The following TBL1X variants were observed in gnomAD, a reference collection of about 807,000 sequenced individuals.
The protein encoded by TBL1X is F-box-like/WD repeat-containing protein TBL1X.
Under a neutral mutation model 50.7 loss-of-function variants are expected in TBL1X, and 10 were observed. The ratio of observed to expected loss-of-function variants is 0.20; its 90% CI spans 0.12 to 0.33. The LOEUF (loss-of-function observed/expected upper bound fraction) is 0.33. Ranked by LOEUF, TBL1X falls within the 10% of genes least tolerant of loss-of-function variation. The pLI is 1.00. For synonymous variants in TBL1X, 190 were observed against 214.7 expected, an observed-to-expected ratio of 0.88 and a Z score of 1.01; for missense variants, 340 against 504.4, an observed-to-expected ratio of 0.67 and a Z score of 3.12.
chrX:9,640,013 A>G (rs2082767149), intron 2 of TBL1X: 1 of 112,306 alleles, frequency 8.9e-6, no homozygotes, highest in Non-Finnish European at 1.9e-5. Flanking sequence ...CATTAATTTT[A>G]TCTATTTTGA....
chrX:9,644,071 T>A (rs1315703079), intron 3 of TBL1X, among the ~76,000 whole-genome samples: 2 of 112,193 alleles, frequency 1.8e-5, no homozygotes, highest in Non-Finnish European at 3.8e-5. Flanking sequence ...ATTAAATTCT[T>A]CATATGTCAG....
intron 2 of TBL1X, among the ~76,000 whole-genome samples, chrX:9,503,278 C>G (rs1404472134): frequency 8.9e-6 from 1 of 112,641 alleles, no homozygotes; most frequent in Non-Finnish European, 1.9e-5. Flanking sequence ...GGGGAAACTG[C>G]TTTTCCACAG....
chrX:9,526,130 A>G (rs1311510345), intron 2 of TBL1X, among the ~76,000 whole-genome samples: 1 of 95,220 alleles, frequency 1.1e-5, no homozygotes, highest in Non-Finnish European at 2.1e-5. Context: ...TGTGTGTGAG[A>G]GAGAGGAGAG....
chrX:9,700,259 A>G (rs1007451310), intron 12 of TBL1X, among the ~76,000 whole-genome samples: 4 of 112,619 alleles, frequency 3.6e-5, no homozygotes, highest in Non-Finnish European at 7.5e-5. Flanking sequence ...GGGGTGAGGC[A>G]GGGATGTCTA....
chrX:9,569,589 C>T (rs1454399846), intron 2 of TBL1X, among the ~76,000 whole-genome samples: 1 of 111,812 alleles, frequency 8.9e-6, no homozygotes, highest in East Asian at 2.8e-4. Context: ...TCATTTGAGC[C>T]CAGGAGTTGG....
chrX:9,492,875 G>A (rs1569206095), intron 1 of TBL1X, among the ~76,000 whole-genome samples: 3 of 49,645 alleles, frequency 6.0e-5, no homozygotes, highest in African/African-American at 1.6e-4. Flanking sequence ...GTGTGTGTGT[G>A]TGTGTGTGTG....
intron 2 of TBL1X, among the ~76,000 whole-genome samples, chrX:9,505,969 A>T (rs779926423): frequency 1.8e-5 from 2 of 112,030 alleles, no homozygotes; most frequent in Admixed American, 9.5e-5. Context: ...AGTCTACAGA[A>T]CTCTCTACCC....
At chrX:9,569,965 G>A (rs1382614197) in intron 2 of TBL1X, among the ~76,000 whole-genome samples, 6 of 112,285 alleles carry the variant, frequency 5.3e-5, no homozygotes, top group Non-Finnish European at 9.4e-5. Context: ...TTTGGCAGGC[G>A]TGGGGCGCAG....
At chrX:9,469,647 T>G (rs2081800212) in intron 1 of TBL1X, among the ~76,000 whole-genome samples, 1 of 112,550 alleles carries the variant, frequency 8.9e-6, no homozygotes, top group African/African-American at 3.2e-5. Context: ...AGTTTGTCTC[T>G]TTGGGTGCAT....
intron 5 of TBL1X, among the ~76,000 whole-genome samples, chrX:9,674,500 G>A (rs1354708843): frequency 4.5e-5 from 5 of 111,531 alleles, no homozygotes; most frequent in Non-Finnish European, 9.4e-5. Flanking sequence ...GGGCTCAAGC[G>A]ATTCACCCAC....
intron 5 of TBL1X, among the ~76,000 whole-genome samples, chrX:9,660,044 A>G (rs184978696): frequency 8.1e-4 from 91 of 112,596 alleles, no homozygotes; most frequent in East Asian, 1.4e-3. Flanking sequence ...AGAAAACTCT[A>G]TACAGCCTCA....
intron 13 of TBL1X, among the ~76,000 whole-genome samples, chrX:9,706,125 C>G (rs997518946): frequency 8.9e-6 from 1 of 111,973 alleles, no homozygotes; most frequent in African/African-American, 3.2e-5. Flanking sequence ...GAGGCCCCAC[C>G]TCTGCATCAG....
At chrX:9,630,907 C>G (rs1489299909) in intron 2 of TBL1X, among the ~76,000 whole-genome samples, 1 of 112,084 alleles carries the variant, frequency 8.9e-6, no homozygotes, top group Admixed American at 9.5e-5. Flanking sequence ...AGATGCAGAA[C>G]TTGTGGATAC....
intron 2 of TBL1X, among the ~76,000 whole-genome samples, chrX:9,523,814 C>T (rs950378858): frequency 1.8e-5 from 2 of 111,559 alleles, no homozygotes; most frequent in Non-Finnish European, 3.8e-5. Flanking sequence ...GTCTCAGAAT[C>T]ACATTCTAAA....
At chrX:9,490,293 C>A (rs1024670239) in intron 1 of TBL1X, among the ~76,000 whole-genome samples, 1 of 111,827 alleles carries the variant, frequency 8.9e-6, no homozygotes, top group Non-Finnish European at 1.9e-5. Context: ...AAACCTGCAG[C>A]TTCCTTGATT....
chrX:9,628,119 G>A (rs1306069339), intron 2 of TBL1X, among the ~76,000 whole-genome samples: 2 of 112,721 alleles, frequency 1.8e-5, no homozygotes, highest in African/African-American at 6.5e-5. Context: ...GAAGCTTAGA[G>A]CAGAGGCTGC....
intron 5 of TBL1X, among the ~76,000 whole-genome samples, chrX:9,657,671 T>G (rs959914335): frequency 8.9e-6 from 1 of 112,695 alleles, no homozygotes; most frequent in East Asian, 2.8e-4. Flanking sequence ...TTAGTGGATT[T>G]TCATTGTTGC....
At chrX:9,509,120 G>C (rs1195362309) in intron 2 of TBL1X, among the ~76,000 whole-genome samples, 1 of 108,213 alleles carries the variant, frequency 9.2e-6, no homozygotes, top group African/African-American at 3.4e-5. Context: ...GGGTGCGGTG[G>C]CTCACACCTG....
chrX:9,520,058 G>A (rs909186554), intron 2 of TBL1X, among the ~76,000 whole-genome samples: 3 of 112,371 alleles, frequency 2.7e-5, no homozygotes, highest in African/African-American at 6.5e-5. Context: ...GGCAGTCGGA[G>A]TTGTGGGTGG....
Sources: allele counts gnomAD v4.1 joint callset (sites outside exome capture counted in the v4.1 genomes callset), GRCh38; gene constraint gnomAD v4.1.1; transcripts MANE v1.5; gene names NCBI Gene and HGNC (gene_info 2026-07-23, HGNC 2026-07-21).